Variants in PRDM10 observed in about 807,000 individuals in gnomAD.
The protein encoded by PRDM10 is PR domain zinc finger protein 10.
PRDM10 carries 65 observed loss-of-function variants against 133.1 expected under a neutral mutation model. The observed-to-expected ratio is 0.49, with a 90% CI of 0.40 to 0.60. The LOEUF (loss-of-function observed/expected upper bound fraction) is 0.60, where lower values mean the gene tolerates loss of function less well. Among genes scored for constraint, PRDM10 ranks in the 20% least tolerant of loss-of-function variants. The probability of loss-of-function intolerance (pLI) is 0.00; values close to 1 mark genes in which losing one functional copy is unlikely to be tolerated. For synonymous variants in PRDM10, 582 were observed against 580.4 expected, an observed-to-expected ratio of 1.00 and a Z score of -0.04; for missense variants, 1,137 against 1,507.1, an observed-to-expected ratio of 0.75 and a Z score of 4.07.
chr11:129,914,190 C>T (rs1049564254), intron 17 of PRDM10, among the ~76,000 whole-genome samples: 4 of 152,134 alleles, frequency 2.6e-5, no homozygotes, highest in East Asian at 3.9e-4. Context: ...TTAGTAGAGA[C>T]GAGATTTTGC....
Position 129,988,481 on chromosome 11 carries a change from C to T in PRDM10, c.-119+14241G>A, listed in dbSNP as rs571794612. Among the ~76,000 whole-genome samples, 82 of 152,042 alleles carry T rather than the reference C, an allele frequency of 5.4e-4. 3 individuals are homozygous for T. In the South Asian group the frequency reaches 0.017, roughly 32 times the overall value. On this transcript the variant is annotated intron_variant, in intron 1 of 20. Transcript: ENST00000360871. ...TCCTGGGCTCAAGTGATTCACCTGC[C>T]TCGGCCTCCCAAAGTGCTGGGATTA...
chr11:129,943,870 G>A, intron 6 of PRDM10, among the ~76,000 whole-genome samples: 1 of 152,134 alleles, frequency 6.6e-6, no homozygotes, highest in East Asian at 1.9e-4. Context: ...GCAGGCACCT[G>A]TAGTCCCAGC....
rs143509030 is a variant in PRDM10 at position 129,983,500 on chromosome 11, G to A, written c.-119+19222C>T. Among the ~76,000 whole-genome samples, 1,290 of 152,036 alleles carry A rather than the reference G, an allele frequency of 8.5e-3. 15 individuals are homozygous for A. Among genetic ancestry groups the A allele is most frequent in the South Asian group, 0.018 (89 of 4,826 alleles). On this transcript the variant is annotated intron_variant, in intron 1 of 20. Coordinates refer to ENST00000360871, the MANE Select transcript of PRDM10 (RefSeq NM_199437.2). The stretch of plus-strand genomic sequence containing the variant: ...TTTTTAGTAGAGACAGGGTTTCACC[G>A]TGTTAGCCAGGATGCTCTCGATCTC...
chr11:129,990,477 G>A (rs1341764492), intron 1 of PRDM10, among the ~76,000 whole-genome samples: 2 of 147,884 alleles, frequency 1.4e-5, no homozygotes, highest in Non-Finnish European at 3.0e-5. Context: ...AGCAGAGATG[G>A]TGCCACTGCA....
rs1323896609 is a variant in PRDM10 at position 129,912,176 on chromosome 11, A to T, written c.2891T>A (p.Leu964His). The T allele has an allele frequency of 2.5e-6, 4 of 1,611,524 alleles. No homozygotes were observed. Among genetic ancestry groups the T allele is most frequent in the South Asian group, 1.1e-5 (1 of 90,848 alleles). The change falls in exon 18 of 21, where the codon CTC becomes CAC. Residue 964 changes from leucine (L) to histidine (H), a missense_variant. Leu to His is a moderately conservative substitution (Grantham distance 99). This residue lies in a region of PRDM10 where 243 missense variants were observed against 259.2 expected (regional missense o/e 0.94). Coordinates refer to ENST00000360871, the MANE Select transcript of PRDM10 (RefSeq NM_199437.2). ...SQQSTVDVGQ[L>H]HDPQPYPQHA... Reference sequence around the variant, plus strand: ...CTGGGGGTAGGGCTGAGGATCATGGAGCTGGCCAACATCCACAGTGGACTG... The same window carrying T: ...CTGGGGGTAGGGCTGAGGATCATGGTGCTGGCCAACATCCACAGTGGACTG...
intron 1 of PRDM10, among the ~76,000 whole-genome samples, chr11:129,982,548 C>T (rs1188070552): frequency 6.6e-6 from 1 of 152,100 alleles, no homozygotes; most frequent in Non-Finnish European, 1.5e-5. Context: ...AAATGTTAAC[C>T]ACGGTTACCT....
At chr11:129,925,955 G>A (rs1191988891) in intron 11 of PRDM10, among the ~76,000 whole-genome samples, 1 of 152,210 alleles carries the variant, frequency 6.6e-6, no homozygotes, top group Non-Finnish European at 1.5e-5. Context: ...TCAGATTTAT[G>A]TGAATGGGAC....
At chr11:129,943,476 T>G (rs1055490419) in intron 6 of PRDM10, among the ~76,000 whole-genome samples, 5 of 152,218 alleles carry the variant, frequency 3.3e-5, no homozygotes, top group African/African-American at 7.2e-5. Flanking sequence ...AGACTGTGAC[T>G]GCATTTGGAG....
chr11:129,936,220 C>G (rs550362705), intron 8 of PRDM10, among the ~76,000 whole-genome samples: 6 of 152,056 alleles, frequency 3.9e-5, no homozygotes, highest in Admixed American at 1.3e-4. Context: ...CATTTTGGGG[C>G]CTCCCAGACC....
At chr11:129,952,141 A>C (rs1951597261) in intron 4 of PRDM10, among the ~76,000 whole-genome samples, 1 of 152,250 alleles carries the variant, frequency 6.6e-6, no homozygotes, top group Admixed American at 6.5e-5. Flanking sequence ...AGCTGAGTAC[A>C]ACTTTCCTTT....
intron 14 of PRDM10, among the ~76,000 whole-genome samples, chr11:129,917,685 A>G (rs1362098095): frequency 6.6e-6 from 1 of 152,230 alleles, no homozygotes; most frequent in Non-Finnish European, 1.5e-5. Flanking sequence ...ACCTGGCAGA[A>G]ATATATTCTG....
At chr11:129,931,551 A>T (rs1276544651) in intron 10 of PRDM10, among the ~76,000 whole-genome samples, 1 of 149,520 alleles carries the variant, frequency 6.7e-6, no homozygotes. Flanking sequence ...TTATTTATTT[A>T]TTTATTTTTA....
chr11:129,916,510 C>T (rs1008993907), intron 15 of PRDM10, among the ~76,000 whole-genome samples: 22 of 152,100 alleles, frequency 1.4e-4, no homozygotes, highest in Non-Finnish European at 2.8e-4. Context: ...TGGGGGCTGG[C>T]GCCTGTAATC....
At chr11:129,975,409 G>A (rs967812100) in intron 1 of PRDM10, among the ~76,000 whole-genome samples, 1 of 151,512 alleles carries the variant, frequency 6.6e-6, no homozygotes, top group Admixed American at 6.6e-5. Flanking sequence ...TGGATAACAG[G>A]CGCGAATCTC....
intron 1 of PRDM10, among the ~76,000 whole-genome samples, chr11:129,989,263 G>A (rs975644043): frequency 5.3e-5 from 8 of 151,950 alleles, no homozygotes; most frequent in African/African-American, 1.9e-4. Context: ...CGGTGATCAT[G>A]CCACTGCACT....
Position 129,931,005 on chromosome 11 carries a change from T to A in PRDM10, c.1530+11A>T, listed in dbSNP as rs200505119. The A allele has an allele frequency of 4.1e-5, 66 of 1,591,386 alleles. No individual in the cohort carries two copies. The Admixed American group carries it at 5.0e-4, about 12-fold the overall frequency. ...GGCTGGTGCCAGGAGCCGCCGGCTT[T>A]CCCCACTTACTCGGATGCGCTTGGC... is the stretch of plus-strand genomic sequence containing the variant. On this transcript the variant is annotated intron_variant, in intron 11 of 20. Transcript: ENST00000360871.
rs74881876 is a variant in PRDM10 at position 129,928,120 on chromosome 11, T to G, written c.1531-2891A>C. Among the ~76,000 whole-genome samples, 1,387 of 152,298 alleles carry G rather than the reference T, an allele frequency of 9.1e-3. 20 individuals carry two copies. The highest frequency in any genetic ancestry group is 0.031 in the African/African-American group (1,309 of 41,556). On this transcript the variant is annotated intron_variant, in intron 11 of 20. Coordinates refer to ENST00000360871, the MANE Select transcript of PRDM10 (RefSeq NM_199437.2). ...TAAAGTTTAGGGGGTTTGTTTGTTT[T>G]TTAGAGATGGGGTCTTTCTCCATCG...
chr11:129,928,098 AG>A (rs540382626), intron 11 of PRDM10, among the ~76,000 whole-genome samples: 80 of 152,242 alleles, frequency 5.3e-4, no homozygotes, highest in Non-Finnish European at 9.4e-4. Flanking sequence ...ATGTTTCTAA[AG>A]TTTAGGGGGT....
rs1396927430 is a variant in PRDM10 at position 129,901,670 on chromosome 11, CA to C, written c.*642del. 2.6e-5 allele frequency: 4 copies of C among 152,216 alleles called. No homozygotes were observed. In the South Asian group the frequency reaches 6.2e-4, roughly 24 times the overall value. 9.4% of individuals were successfully genotyped at this position (152,216 alleles called of 1,614,324 possible). A position where few individuals can be genotyped will look rare whatever the true frequency, so the allele number is the denominator to read the frequency against. On this transcript the variant is annotated 3_prime_UTR_variant, in exon 21 of 21. Transcript: ENST00000360871. ...TCTGACCTAATCCACTGAGGACCAG[CA>C]TCTGTGGAAAGCACTACCAACAGCC...
Sources: allele counts gnomAD v4.1 joint callset (sites outside exome capture counted in the v4.1 genomes callset), GRCh38; gene constraint gnomAD v4.1.1; regional missense constraint gnomAD v4.1.1; transcripts MANE v1.5; gene names NCBI Gene and HGNC (gene_info 2026-07-23, HGNC 2026-07-21).